Variants in ZDHHC21 observed in about 807,000 individuals in gnomAD.
The protein encoded by ZDHHC21 is zDHHC palmitoyltransferase 21.
In ZDHHC21, 15 loss-of-function variants were observed where a neutral mutation model predicts 34.6. The observed-to-expected ratio is 0.43, with a 90% CI of 0.29 to 0.67. ZDHHC21 has a LOEUF of 0.67. ZDHHC21 is among the 30% of genes least tolerant of loss of function. The pLI, the probability that ZDHHC21 is intolerant of heterozygous loss-of-function variation, is 0.14. For synonymous variants in ZDHHC21, 142 were observed against 101.8 expected (o/e 1.40, Z -2.38); for missense variants, 344 against 327.7 (o/e 1.05, Z -0.38).
intron 5 of ZDHHC21, among the ~76,000 whole-genome samples, chr9:14,669,433 A>T (rs1186581497): frequency 6.8e-6 from 1 of 147,234 alleles, no homozygotes; most frequent in Non-Finnish European, 1.5e-5. Flanking sequence ...ACCATTGTGG[A>T]AGTCAGTGTG....
intron 5 of ZDHHC21, among the ~76,000 whole-genome samples, chr9:14,665,705 A>T (rs982905211): frequency 9.2e-5 from 13 of 141,642 alleles, no homozygotes; most frequent in African/African-American, 3.4e-4. Flanking sequence ...AACATTCTTA[A>T]AGAAAAGAAT....
At chr9:14,630,413 T>C (rs1827128901) in intron 8 of ZDHHC21, among the ~76,000 whole-genome samples, 1 of 152,210 alleles carries the variant, frequency 6.6e-6, no homozygotes, top group South Asian at 2.1e-4. Context: ...TCTTGTTATT[T>C]CTAGCACATC....
rs1427567538 is a variant in ZDHHC21, at chr9:14,613,603, C to T, written c.*5363G>A. 2.6e-5 allele frequency: 4 copies of T among 151,656 alleles called. No individual in the cohort carries two copies. Among genetic ancestry groups the T allele is most frequent in the Non-Finnish European group, 5.9e-5 (4 of 67,752 alleles). The allele number at this position is 151,656 out of a possible 1,614,324, so 9.4% of individuals were successfully genotyped here. A position where few individuals can be genotyped will look rare whatever the true frequency, so the allele number is the denominator to read the frequency against. ...TTGTTTATATATAAAGCTATCGATA[C>T]CAAAAAAATCAGTGTTGAACTGTTA... On this transcript the variant is annotated 3_prime_UTR_variant, in exon 10 of 10. Coordinates refer to ENST00000380916, the MANE Select transcript of ZDHHC21 (RefSeq NM_178566.6).
intron 2 of ZDHHC21, among the ~76,000 whole-genome samples, chr9:14,684,628 C>A (rs1229892720): frequency 6.6e-6 from 1 of 151,784 alleles, no homozygotes; most frequent in African/African-American, 2.4e-5. Context: ...CCATACTGCC[C>A]AAGGTAATTT....
chr9:14,682,261 T>A (rs1345755817), intron 2 of ZDHHC21, among the ~76,000 whole-genome samples: 1 of 151,764 alleles, frequency 6.6e-6, no homozygotes, highest in Admixed American at 6.6e-5. Flanking sequence ...GGATAAAGAG[T>A]CAAGACCCAT....
At position 14,693,385 on chromosome 9, in the gene ZDHHC21, C is replaced by A. The variant is rs951527641; in HGVS notation, c.-381G>T. 1 of 342,418 alleles carries A rather than the reference C, an allele frequency of 2.9e-6. No individual in the cohort carries two copies. Among genetic ancestry groups the A allele is most frequent in the African/African-American group, 2.3e-5 (1 of 43,690 alleles). 21.2% of individuals were successfully genotyped at this position (342,418 alleles called of 1,614,324 possible). A position where few individuals can be genotyped will look rare whatever the true frequency, so the allele number is the denominator to read the frequency against. On this transcript the variant is annotated 5_prime_UTR_variant, in exon 1 of 10. Transcript: ENST00000380916. The stretch of plus-strand genomic sequence containing the variant: ...CCGGGAGCCTGAGGGCCTGGACCGG[C>A]CGAGTGGGTGTCCGCATGCCCGCGC...
chr9:14,680,582 T>C (rs1437032252), intron 2 of ZDHHC21, among the ~76,000 whole-genome samples: 4 of 150,564 alleles, frequency 2.7e-5, no homozygotes, highest in African/African-American at 4.9e-5. Flanking sequence ...TTAATCCTCC[T>C]GTAATGAAGC....
At chr9:14,673,214 A>G (rs138482810) in intron 4 of ZDHHC21, among the ~76,000 whole-genome samples, 31 of 152,130 alleles carry the variant, frequency 2.0e-4, no homozygotes, top group South Asian at 1.2e-3. Flanking sequence ...CTTCCTATTA[A>G]TAATGGCATA....
chr9:14,638,931 A>C, intron 8 of ZDHHC21, among the ~76,000 whole-genome samples: 1 of 152,060 alleles, frequency 6.6e-6, no homozygotes, highest in Non-Finnish European at 1.5e-5. Flanking sequence ...CTAATCACTA[A>C]GGAAAAGAAT....
intron 2 of ZDHHC21, among the ~76,000 whole-genome samples, chr9:14,688,657 T>A (rs185705867): frequency 2.0e-5 from 3 of 150,744 alleles, no homozygotes; most frequent in East Asian, 3.9e-4. Context: ...AGGTCAGGAG[T>A]TCAAGACCAA....
chr9:14,681,514 A>C (rs1837367827), intron 2 of ZDHHC21, among the ~76,000 whole-genome samples: 1 of 152,220 alleles, frequency 6.6e-6, no homozygotes. Flanking sequence ...CACCTGGAAC[A>C]CAGTGGAAAA....
chr9:14,641,576 A>T (rs1829388794), intron 7 of ZDHHC21, among the ~76,000 whole-genome samples: 1 of 152,146 alleles, frequency 6.6e-6, no homozygotes, highest in Admixed American at 6.5e-5. Context: ...GGAATACACA[A>T]AACACACTCA....
At chr9:14,628,676 C>T (rs560884916) in intron 8 of ZDHHC21, among the ~76,000 whole-genome samples, 2 of 152,256 alleles carry the variant, frequency 1.3e-5, no homozygotes, top group South Asian at 4.1e-4. Context: ...CGTCACTTAA[C>T]ACTGTAAAGA....
intron 8 of ZDHHC21, among the ~76,000 whole-genome samples, chr9:14,623,293 G>A (rs1586902610): frequency 1.3e-5 from 2 of 152,094 alleles, no homozygotes; most frequent in African/African-American, 2.4e-5. Context: ...CAGGTGGATT[G>A]CTTGAGGCCA....
chr9:14,669,761 A>C (rs1835122685), intron 5 of ZDHHC21, among the ~76,000 whole-genome samples: 1 of 149,500 alleles, frequency 6.7e-6, no homozygotes, highest in Non-Finnish European at 1.5e-5. Flanking sequence ...AGAACAAAAA[A>C]CCAAACACTC....
At chr9:14,654,450 A>T (rs1260950642) in intron 7 of ZDHHC21, among the ~76,000 whole-genome samples, 1 of 152,070 alleles carries the variant, frequency 6.6e-6, no homozygotes, top group Non-Finnish European at 1.5e-5. Context: ...CACTTTCTAC[A>T]ATTTGTCATG....
chr9:14,604,044 G>A, the ZDHHC21 span, among the ~76,000 whole-genome samples: 1 of 152,058 alleles, frequency 6.6e-6, no homozygotes, highest in Non-Finnish European at 1.5e-5. Flanking sequence ...AAATCGATTG[G>A]ACTGACAAAT....
intron 8 of ZDHHC21, among the ~76,000 whole-genome samples, chr9:14,621,339 G>A (rs899630369): frequency 1.3e-5 from 2 of 151,938 alleles, no homozygotes; most frequent in Non-Finnish European, 2.9e-5. Flanking sequence ...TTTTACTATG[G>A]AGAAATTACA....
chr9:14,642,454 A>C (rs1232861198), intron 7 of ZDHHC21, among the ~76,000 whole-genome samples: 1 of 152,200 alleles, frequency 6.6e-6, no homozygotes, highest in East Asian at 1.9e-4. Flanking sequence ...TTATGGGCTC[A>C]ATTAGGTCCC....
Sources: gnomAD v4.1 joint callset for allele counts (sites outside exome capture counted in the v4.1 genomes callset) on GRCh38, gnomAD v4.1.1 for gene constraint, MANE v1.5 for transcripts, NCBI Gene and HGNC (gene_info 2026-07-23, HGNC 2026-07-21) for gene names.